ILRUN: variants seen among roughly 807,000 people sequenced by gnomAD.
ILRUN encodes the protein protein ILRUN.
Under a neutral mutation model 33.8 loss-of-function variants are expected in ILRUN, and 3 were observed. That is an observed-to-expected ratio of 0.09 (90% CI 0.04 to 0.23). The LOEUF (loss-of-function observed/expected upper bound fraction) is 0.23, where lower values mean the gene tolerates loss of function less well. Ranked by LOEUF, ILRUN falls within the 10% of genes least tolerant of loss-of-function variation. The probability of loss-of-function intolerance (pLI) is 1.00; values close to 1 mark genes in which losing one functional copy is unlikely to be tolerated. For missense variants in ILRUN, 210 were observed against 375.1 expected (o/e 0.56, Z 3.64); for synonymous variants, 124 against 138.9 (o/e 0.89, Z 0.75).
intron 4 of ILRUN, among the ~76,000 whole-genome samples, chr6:34,606,277 A>C (rs1047178493): frequency 7.9e-5 from 12 of 152,212 alleles, no homozygotes; most frequent in African/African-American, 2.9e-4. Flanking sequence ...TAAAATACTA[A>C]AGGTAAAGAA....
chr6:34,653,290 G>A (rs1348924010), intron 2 of ILRUN, among the ~76,000 whole-genome samples: 1 of 151,794 alleles, frequency 6.6e-6, no homozygotes, highest in Non-Finnish European at 1.5e-5. Context: ...AAGTGCAGTG[G>A]CATGATTTCA....
intron 1 of ILRUN, among the ~76,000 whole-genome samples, chr6:34,680,651 C>A (rs1184839909): frequency 6.6e-6 from 1 of 152,112 alleles, no homozygotes; most frequent in Non-Finnish European, 1.5e-5. Context: ...CAAGGTTTCA[C>A]CACGTTGGCC....
At chr6:34,608,213 G>C (rs1034616761) in intron 3 of ILRUN, among the ~76,000 whole-genome samples, 2 of 151,998 alleles carry the variant, frequency 1.3e-5, no homozygotes, top group African/African-American at 4.8e-5. Context: ...GGCCAACATA[G>C]TGAAACCCCA....
intron 1 of ILRUN, among the ~76,000 whole-genome samples, chr6:34,679,335 T>C (rs970337881): frequency 4.6e-5 from 7 of 152,164 alleles, no homozygotes; most frequent in Non-Finnish European, 1.0e-4. Flanking sequence ...ATTTGGCAAT[T>C]AAGTATTAAG....
intron 1 of ILRUN, among the ~76,000 whole-genome samples, chr6:34,668,361 T>C (rs1001129658): frequency 6.6e-6 from 1 of 152,144 alleles, no homozygotes; most frequent in African/African-American, 2.4e-5. Flanking sequence ...TAAGTAAAAA[T>C]TCAAATGTAC....
At chr6:34,647,489 TGGAGGTACTTGCGGATAGGATG>T (rs1751839836) in intron 2 of ILRUN, among the ~76,000 whole-genome samples, 1 of 152,050 alleles carries the variant, frequency 6.6e-6, no homozygotes, top group Non-Finnish European at 1.5e-5. Flanking sequence ...TTGGAGGAGT[TGGAGGTACTTGCGGATAGGATG>T]GGAAGGAGGG....
At chr6:34,688,109 T>G (rs1041332291) in intron 1 of ILRUN, among the ~76,000 whole-genome samples, 3 of 150,044 alleles carry the variant, frequency 2.0e-5, no homozygotes, top group Non-Finnish European at 4.4e-5. Flanking sequence ...AAAAAAAGAG[T>G]GAGGCCAGGG....
intron 3 of ILRUN, among the ~76,000 whole-genome samples, chr6:34,638,174 C>A (rs942591161): frequency 6.6e-6 from 1 of 152,038 alleles, no homozygotes; most frequent in Non-Finnish European, 1.5e-5. Flanking sequence ...AGGCATGAGC[C>A]ACCATGCCGG....
chr6:34,654,794 A>G lies in ILRUN; in HGVS notation c.159-15T>C, dbSNP rs540059237. On this transcript the variant is annotated splice_polypyrimidine_tract_variant and intron_variant, in intron 1 of 4. Coordinates refer to ENST00000374023, the MANE Select transcript of ILRUN (RefSeq NM_024294.4). ...CTTGTAGGTTCCTATAGAAAAAGAGAAAAGGCAACAGACTTCAGTACTGTC... is the reference window on the plus strand; with the variant it reads ...CTTGTAGGTTCCTATAGAAAAAGAGGAAAGGCAACAGACTTCAGTACTGTC... The G allele has an allele frequency of 1.8e-3, 2,846 of 1,610,668 alleles. 80 individuals are homozygous for G. The South Asian group carries it at 0.03, about 17-fold the overall frequency.
chr6:34,641,092 A>AAC (rs1762467009), intron 3 of ILRUN, among the ~76,000 whole-genome samples: 1 of 151,578 alleles, frequency 6.6e-6, no homozygotes, highest in South Asian at 2.1e-4. Context: ...AAAAAAAAAA[A>AAC]AAAAACAAAT....
intron 4 of ILRUN, among the ~76,000 whole-genome samples, chr6:34,598,859 T>C (rs1190263081): frequency 6.6e-6 from 1 of 152,216 alleles, no homozygotes; most frequent in Admixed American, 6.5e-5. Context: ...CTTTACTGGC[T>C]CTTCTGGGTT....
chr6:34,655,244 T>C (rs1038159292), intron 1 of ILRUN, among the ~76,000 whole-genome samples: 2 of 152,190 alleles, frequency 1.3e-5, no homozygotes, highest in African/African-American at 2.4e-5. Context: ...CCCAAAGTGC[T>C]AGGATTATAG....
At chr6:34,674,769 T>C (rs1419874027) in intron 1 of ILRUN, among the ~76,000 whole-genome samples, 1 of 152,116 alleles carries the variant, frequency 6.6e-6, no homozygotes, top group Non-Finnish European at 1.5e-5. Flanking sequence ...ACATTAAAAC[T>C]CTGAGTTTCA....
At chr6:34,596,466 T>G (rs205258) in intron 4 of ILRUN, among the ~76,000 whole-genome samples, 1 of 151,896 alleles carries the variant, frequency 6.6e-6, no homozygotes, top group Non-Finnish European at 1.5e-5. Context: ...ACAGGCACCA[T>G]CATGCCCAGG....
intron 2 of ILRUN, among the ~76,000 whole-genome samples, 156 bp downstream of exon 2, chr6:34,654,469 T>C (rs1360269974): frequency 9.9e-5 from 15 of 152,242 alleles, no homozygotes; most frequent in Admixed American, 9.8e-4. Context: ...TCACTAATGT[T>C]TGGTCATCAC....
intron 3 of ILRUN, among the ~76,000 whole-genome samples, chr6:34,633,764 A>G (rs1762294602): frequency 6.7e-6 from 1 of 150,270 alleles, no homozygotes; most frequent in Non-Finnish European, 1.5e-5. Flanking sequence ...AGCTGGGCAG[A>G]GTGAGACCCT....
At chr6:34,692,786 T>C (rs530146190) in intron 1 of ILRUN, among the ~76,000 whole-genome samples, 5 of 152,282 alleles carry the variant, frequency 3.3e-5, no homozygotes, top group East Asian at 3.9e-4. Context: ...ATTGATCCTT[T>C]TGTAATTCAG....
chr6:34,650,407 T>TTTA (rs1762638704), intron 2 of ILRUN, among the ~76,000 whole-genome samples: 28 of 141,496 alleles, frequency 2.0e-4, no homozygotes, highest in South Asian at 1.6e-3. Context: ...ATTTATTTAT[T>TTTA]TTTATTTATT....
At chr6:34,609,031 G>T (rs1200652159) in intron 3 of ILRUN, among the ~76,000 whole-genome samples, 1 of 152,194 alleles carries the variant, frequency 6.6e-6, no homozygotes, top group Non-Finnish European at 1.5e-5. Context: ...AATAACTGTT[G>T]AAAGGTTGAT....
Sources: gnomAD v4.1 joint callset for allele counts (sites outside exome capture counted in the v4.1 genomes callset) on GRCh38, gnomAD v4.1.1 for gene constraint, MANE v1.5 for transcripts, NCBI Gene and HGNC (gene_info 2026-07-23, HGNC 2026-07-21) for gene names.